The following DPP10 variants were observed in gnomAD, a reference collection of about 807,000 sequenced individuals.
DPP10 encodes the protein dipeptidyl peptidase like 10.
Under a neutral mutation model 120.9 loss-of-function variants are expected in DPP10, and 33 were observed. The ratio of observed to expected loss-of-function variants is 0.27; its 90% CI spans 0.21 to 0.37. The LOEUF (loss-of-function observed/expected upper bound fraction) is 0.37, where lower values mean the gene tolerates loss of function less well. DPP10 is among the 10% of genes least tolerant of loss of function. DPP10 has a pLI of 1.00. For synonymous variants in DPP10, 337 were observed against 326.1 expected (o/e 1.03, Z -0.36); for missense variants, 816 against 942.8 (o/e 0.87, Z 1.76).
At chr2:114,864,641 G>C (rs1161892070) in intron 1 of DPP10, among the ~76,000 whole-genome samples, 1 of 152,192 alleles carries the variant, frequency 6.6e-6, no homozygotes, top group Non-Finnish European at 1.5e-5. Flanking sequence ...TAACTGGGGA[G>C]ATGTTTGGCC....
intron 1 of DPP10, among the ~76,000 whole-genome samples, chr2:114,663,260 C>CATACATATAGATA (rs1558980087): frequency 1.4e-5 from 2 of 144,384 alleles, no homozygotes. Context: ...ATATATATAT[C>CATACATATAGATA]TATATATATA....
intron 1 of DPP10, among the ~76,000 whole-genome samples, chr2:114,490,838 AAT>A (rs1681933318): frequency 6.6e-6 from 1 of 152,118 alleles, no homozygotes; most frequent in African/African-American, 2.4e-5. Context: ...GGTGCTTAAA[AAT>A]TAGTTGAATT....
At chr2:115,791,477 G>C (rs1294130997) in intron 19 of DPP10, 121 bp downstream of exon 19, 3 of 822,294 alleles carry the variant, frequency 3.6e-6, no homozygotes, top group Non-Finnish European at 5.5e-6. Context: ...AATCAGGACA[G>C]CTGTCTGTTG....
At chr2:115,158,623 C>T (rs1165195504) in intron 1 of DPP10, among the ~76,000 whole-genome samples, 1 of 152,120 alleles carries the variant, frequency 6.6e-6, no homozygotes, top group Non-Finnish European at 1.5e-5. Context: ...AGGAATTTTG[C>T]TAGGTGATCT....
chr2:114,896,632 T>C (rs1693027142), intron 1 of DPP10, among the ~76,000 whole-genome samples: 1 of 152,252 alleles, frequency 6.6e-6, no homozygotes, highest in Non-Finnish European at 1.5e-5. Flanking sequence ...AAGGAGATTT[T>C]GGGCTGAGAT....
At chr2:114,666,875 A>G (rs1415221522) in intron 1 of DPP10, among the ~76,000 whole-genome samples, 1 of 152,232 alleles carries the variant, frequency 6.6e-6, no homozygotes, top group Non-Finnish European at 1.5e-5. Flanking sequence ...CTTAATCGTA[A>G]CTATATAATA....
At chr2:114,981,050 T>C (rs1285444980) in intron 1 of DPP10, among the ~76,000 whole-genome samples, 1 of 151,246 alleles carries the variant, frequency 6.6e-6, no homozygotes, top group Admixed American at 6.7e-5. Context: ...TGGAGACAGG[T>C]GTTATCATAT....
intron 1 of DPP10, among the ~76,000 whole-genome samples, chr2:114,695,239 A>C (rs1040341694): frequency 2.6e-5 from 4 of 152,108 alleles, no homozygotes; most frequent in African/African-American, 9.6e-5. Context: ...GCGATTATGA[A>C]AGTGATAGAA....
chr2:114,695,203 G>A (rs559249763), intron 1 of DPP10, among the ~76,000 whole-genome samples: 2 of 152,026 alleles, frequency 1.3e-5, no homozygotes, highest in Non-Finnish European at 2.9e-5. Flanking sequence ...ATTATTAATA[G>A]TGGTATTGGA....
rs932283596 is a variant in DPP10, at chr2:115,373,263, A to AATCTT, written c.271+29353_271+29357dup. Among the ~76,000 whole-genome samples the AATCTT allele has an allele frequency of 3.8e-4, 58 of 152,336 alleles. 1 individual carries two copies. Among genetic ancestry groups the AATCTT allele is most frequent in the African/African-American group, 1.3e-3 (56 of 41,574 alleles). On this transcript the variant is annotated intron_variant, in intron 3 of 25. Coordinates refer to ENST00000410059, the MANE Select transcript of DPP10 (RefSeq NM_020868.6). ...GTAGGACAATTCCAATGCAATAGAA[A>AATCTT]ATCTTACTATGCATCTTCCTTCAGA...
intron 1 of DPP10, among the ~76,000 whole-genome samples, chr2:114,675,850 G>C (rs1573943567): frequency 6.6e-6 from 1 of 151,722 alleles, no homozygotes; most frequent in African/African-American, 2.4e-5. Context: ...ACCCAGGCTG[G>C]AGTTCAGTGG....
At chr2:115,803,997 G>C (rs1441004011) in intron 19 of DPP10, among the ~76,000 whole-genome samples, 1 of 152,096 alleles carries the variant, frequency 6.6e-6, no homozygotes, top group Non-Finnish European at 1.5e-5. Flanking sequence ...GATTGGGGAA[G>C]TTCTCCTGGA....
chr2:115,568,790 C>T (rs1323725229), intron 5 of DPP10, among the ~76,000 whole-genome samples: 1 of 152,122 alleles, frequency 6.6e-6, no homozygotes, highest in African/African-American at 2.4e-5. Flanking sequence ...CTTCTGCTAG[C>T]CCTGTTTCCT....
intron 2 of DPP10, among the ~76,000 whole-genome samples, chr2:115,311,054 A>C (rs1559403048): frequency 6.6e-6 from 1 of 152,102 alleles, no homozygotes; most frequent in Non-Finnish European, 1.5e-5. Context: ...AACCCTTTTC[A>C]ATTTTTCCCA....
At chr2:115,554,662 T>G (rs1337070864) in intron 5 of DPP10, among the ~76,000 whole-genome samples, 1 of 152,072 alleles carries the variant, frequency 6.6e-6, no homozygotes, top group Non-Finnish European at 1.5e-5. Context: ...AAAACATCTT[T>G]CTTCTTAAGC....
At chr2:115,579,175 A>AG (rs2081868361) in intron 5 of DPP10, 1 of 152,212 alleles carries the variant, frequency 6.6e-6, no homozygotes, top group Non-Finnish European at 1.5e-5. Flanking sequence ...GAGCTGGGGC[A>AG]TGAGTCCAGG....
intron 3 of DPP10, among the ~76,000 whole-genome samples, chr2:115,351,920 C>G (rs2064061422): frequency 6.6e-6 from 1 of 151,978 alleles, no homozygotes; most frequent in Non-Finnish European, 1.5e-5. Context: ...CATACTGTGG[C>G]AATCTTACAT....
intron 1 of DPP10, among the ~76,000 whole-genome samples, chr2:115,096,538 A>G (rs970318626): frequency 1.3e-5 from 2 of 152,134 alleles, no homozygotes; most frequent in African/African-American, 2.4e-5. Flanking sequence ...AAAAGAGCTT[A>G]ATACATTCAT....
chr2:115,409,491 A>G (rs749376106), intron 3 of DPP10, among the ~76,000 whole-genome samples: 4 of 152,226 alleles, frequency 2.6e-5, no homozygotes, highest in Non-Finnish European at 5.9e-5. Flanking sequence ...GAATGACCAT[A>G]ATTTAAAAAT....
Sources: gnomAD v4.1 joint callset for allele counts (sites outside exome capture counted in the v4.1 genomes callset) on GRCh38, gnomAD v4.1.1 for gene constraint, MANE v1.5 for transcripts, NCBI Gene and HGNC (gene_info 2026-07-23, HGNC 2026-07-21) for gene names.